The following CHRNA4 variants were observed in gnomAD, a reference collection of about 807,000 sequenced individuals.
CHRNA4 encodes cholinergic receptor nicotinic alpha 4 subunit.
Under a neutral mutation model 48.9 loss-of-function variants are expected in CHRNA4, and 28 were observed. The ratio of observed to expected loss-of-function variants is 0.57; its 90% CI spans 0.42 to 0.79. CHRNA4 has a LOEUF of 0.79. Among genes scored for constraint, CHRNA4 ranks in the 30% least tolerant of loss-of-function variants. CHRNA4 has a pLI of 0.00. For synonymous variants in CHRNA4, 425 were observed against 402.3 expected, an observed-to-expected ratio of 1.06 and a Z score of -0.68; for missense variants, 859 against 898.4, an observed-to-expected ratio of 0.96 and a Z score of 0.56.
rs1175678348 is a variant in CHRNA4, at chr20:63,343,515, C to T, written c.*3223G>A. On this transcript the variant is annotated 3_prime_UTR_variant, in exon 6 of 6. Transcript: ENST00000370263. ...CAGCAGTCCCACAGCAGCTGCGTGCCCTAGAGTGTCCTGGGCCCGGCCTTA... is the reference window on the plus strand; with the variant it reads ...CAGCAGTCCCACAGCAGCTGCGTGCTCTAGAGTGTCCTGGGCCCGGCCTTA... The T allele has an allele frequency of 2.2e-6, 1 of 454,170 alleles. No individual in the cohort carries two copies. Among genetic ancestry groups the T allele is most frequent in the Admixed American group, 2.3e-5 (1 of 42,582 alleles). 28.1% of individuals were successfully genotyped at this position (454,170 alleles called of 1,614,324 possible).
rs1341570684 is a variant in CHRNA4 at position 63,345,612 on chromosome 20, T to C, written c.*1126A>G. The C allele has an allele frequency of 1.8e-5, 8 of 453,286 alleles. No individual in the cohort carries two copies. The highest frequency in any genetic ancestry group is 4.7e-5 in the South Asian group (3 of 64,476). The allele number at this position is 453,286 out of a possible 1,614,324, so 28.1% of individuals were successfully genotyped here. Reference sequence around the variant, plus strand: ...CCTGCCAGGACGGAGGGCATGGGCCTGTGTGGAAACCCCAGGGCTCCCTGA... The same window carrying C: ...CCTGCCAGGACGGAGGGCATGGGCCCGTGTGGAAACCCCAGGGCTCCCTGA... On this transcript the variant is annotated 3_prime_UTR_variant, in exon 6 of 6. Transcript: ENST00000370263. This position sits in a 1 kb window ranked among gnomAD's most constrained non-coding sequence, Gnocchi z 5.4.
chr20:63,350,208 C>G lies in CHRNA4; in HGVS notation c.1203G>C (p.Leu401=), dbSNP rs56142348. Residue 401 remains leucine (L), a synonymous_variant, in exon 5 of 6, where the codon CTG becomes CTC. Transcript: ENST00000370263. ...CACAGAAGGACGGTGAGGGCGGGTGCAGGCTCTGGGTGCCGCTCGTGGCAG... is the reference window on the plus strand; with the variant it reads ...CACAGAAGGACGGTGAGGGCGGGTGGAGGCTCTGGGTGCCGCTCGTGGCAG... ...EPPATSGTQS[L]HPPSPSFCVP... 738 of 1,603,400 alleles carry G rather than the reference C, an allele frequency of 4.6e-4. 7 individuals carry two copies. Among genetic ancestry groups the G allele is most frequent in the Middle Eastern group, 4.9e-4 (3 of 6,068 alleles).
chr20:63,351,384 C>T (rs752901749), intron 4 of CHRNA4, among the ~76,000 whole-genome samples: 1 of 152,218 alleles, frequency 6.6e-6, no homozygotes, highest in Non-Finnish European at 1.5e-5. Context: ...GGGCGTAGCA[C>T]GTGGTTCAGA....
At chr20:63,357,377 C>T (rs2068737596) in intron 2 of CHRNA4, among the ~76,000 whole-genome samples, 1 of 152,220 alleles carries the variant, frequency 6.6e-6, no homozygotes, top group Non-Finnish European at 1.5e-5. Flanking sequence ...AGGCCTGGCC[C>T]TCCTGCCCAG....
At chr20:63,359,332 G>A in intron 2 of CHRNA4, 2 of 645,156 alleles carry the variant, frequency 3.1e-6, no homozygotes, top group East Asian at 2.8e-5. Context: ...CAAGGGGGAG[G>A]AAAGGGCAGG....
chr20:63,356,591 G>T, intron 2 of CHRNA4, 176 bp from the exon 3 acceptor site: 1 of 671,046 alleles, frequency 1.5e-6, no homozygotes, highest in Non-Finnish European at 2.7e-6. Flanking sequence ...CCAGGATGGG[G>T]ACTCTGAGGG....
Position 63,355,874 on chromosome 20 carries a change from G to A in CHRNA4, c.383+101C>T, listed in dbSNP as rs1022602660. ...GGCTGGCATAGGCCCCGCTGGGCCA[G>A]GCTGGGCCTTGGTGGAGCTCCCTGT... On this transcript the variant is annotated intron_variant, in intron 4 of 5. Transcript: ENST00000370263. 258 of 1,509,894 alleles carry A rather than the reference G, an allele frequency of 1.7e-4. 1 individual carries two copies. The highest frequency in any genetic ancestry group is 3.4e-4 in the Middle Eastern group (2 of 5,818). The allele number at this position is 1,509,894 out of a possible 1,614,324, so 93.5% of individuals were successfully genotyped here.
intron 2 of CHRNA4, among the ~76,000 whole-genome samples, chr20:63,357,063 C>T (rs1568817566): frequency 3.1e-5 from 4 of 129,758 alleles, no homozygotes; most frequent in Non-Finnish European, 6.6e-5. Flanking sequence ...AGGACCACAT[C>T]TCCACGGACC....
Position 63,345,225 on chromosome 20 carries a change from C to T in CHRNA4, c.*1513G>A, listed in dbSNP as rs2068472382. ...TCGGCTCGGGGACAGAGGAATGAGA[C>T]TCAGTGGGACGCAGAGCCCAACCCC... On this transcript the variant is annotated 3_prime_UTR_variant, in exon 6 of 6. Coordinates refer to ENST00000370263, the MANE Select transcript of CHRNA4 (RefSeq NM_000744.7). The surrounding 1 kb of genome is among the most constrained non-coding windows in gnomAD (Gnocchi z 5.4). 3 of 446,334 alleles carry T rather than the reference C, an allele frequency of 6.7e-6. No homozygotes were observed. The highest frequency in any genetic ancestry group is 1.4e-4 in the East Asian group (2 of 14,142). The allele number at this position is 446,334 out of a possible 1,614,324, so 27.6% of individuals were successfully genotyped here.
At position 63,343,851 on chromosome 20, in the gene CHRNA4, TA is replaced by T. The variant is rs1248856831; in HGVS notation, c.*2886del. On this transcript the variant is annotated 3_prime_UTR_variant, in exon 6 of 6. Transcript: ENST00000370263. ...ACGTTGGCTTAGTGTGAGACTTTGA[TA>T]GGGGGTCGGGGGTCACAGCCCTGGC... 2.2e-6 allele frequency: 1 copy of T among 454,110 alleles called. No individual in the cohort carries two copies. Among genetic ancestry groups the T allele is most frequent in the East Asian group, 7.0e-5 (1 of 14,386 alleles). 28.1% of individuals were successfully genotyped at this position (454,110 alleles called of 1,614,324 possible). A position where few individuals can be genotyped will look rare whatever the true frequency, so the allele number is the denominator to read the frequency against.
chr20:63,349,802 G>A lies in CHRNA4; in HGVS notation c.1609C>T (p.Pro537Ser), dbSNP rs758895760. 1.4e-5 allele frequency: 22 copies of A among 1,605,970 alleles called. No individual in the cohort carries two copies. In the Admixed American group the frequency reaches 3.3e-4, roughly 24 times the overall value. ...GTGGCGCTCGGGGACACCGAAGAGGGCTCCTTCTTGCATGTGCATTTGCAC... is the reference window on the plus strand; with the variant it reads ...GTGGCGCTCGGGGACACCGAAGAGGACTCCTTCTTGCATGTGCATTTGCAC... ...SPCKCTCKKE[P>S]SSVSPSATVK... The change falls in exon 5 of 6, where the codon CCC becomes TCC. Residue 537 changes from proline to serine, a missense_variant. This residue lies in a region of CHRNA4 where 478 missense variants were observed against 455.4 expected (regional missense o/e 1.05). Transcript: ENST00000370263.
chr20:63,349,528 C>T, intron 5 of CHRNA4, 125 bp downstream of exon 5: 1 of 1,262,210 alleles, frequency 7.9e-7, no homozygotes, highest in African/African-American at 1.5e-5. Context: ...GGGCCACGCC[C>T]TGCACCCCAA....
chr20:63,359,731 G>A, intron 1 of CHRNA4, 32 bp from the exon 2 acceptor site: 1 of 1,606,788 alleles, frequency 6.2e-7, no homozygotes. Flanking sequence ...TGGCTCAGGT[G>A]CAGGCGGGAC....
chr20:63,352,904 G>A (rs1351394632), intron 4 of CHRNA4, among the ~76,000 whole-genome samples: 1 of 142,136 alleles, frequency 7.0e-6, no homozygotes, highest in Admixed American at 6.9e-5. Context: ...CCTGGCTCCA[G>A]CCGCCCTCTG....
Position 63,344,955 on chromosome 20 carries a change from C to A in CHRNA4, c.*1783G>T. The A allele has an allele frequency of 2.4e-6, 1 of 411,856 alleles. No homozygotes were observed. Among genetic ancestry groups the A allele is most frequent in the Non-Finnish European group, 4.9e-6 (1 of 202,052 alleles). The allele number at this position is 411,856 out of a possible 1,614,324, so 25.5% of individuals were successfully genotyped here. The stretch of plus-strand genomic sequence containing the variant: ...GGATTTGGCACGGGGGTCTCTGTGT[C>A]CCACCCACTCCTGGCACAAAAGCCC... On this transcript the variant is annotated 3_prime_UTR_variant, in exon 6 of 6. Transcript: ENST00000370263. The surrounding 1 kb of genome is among the most constrained non-coding windows in gnomAD (Gnocchi z 4.5).
chr20:63,349,436 G>A, intron 5 of CHRNA4: 1 of 621,916 alleles, frequency 1.6e-6, no homozygotes, highest in South Asian at 1.9e-5. Flanking sequence ...TCCACCCTGT[G>A]CCAGCCACTC....
chr20:63,354,714 G>A (rs903812291), intron 4 of CHRNA4: 11 of 966,932 alleles, frequency 1.1e-5, no homozygotes, highest in African/African-American at 3.5e-5. Context: ...CACCCAGAGC[G>A]GCTTCTCTGC....
chr20:63,349,921 T>C lies in CHRNA4; in HGVS notation c.1490A>G (p.Asp497Gly), dbSNP rs2068558243. 4 of 1,592,252 alleles carry C rather than the reference T, an allele frequency of 2.5e-6. No homozygotes were observed. The highest frequency in any genetic ancestry group is 2.6e-6 in the Non-Finnish European group (3 of 1,168,536). ...RSIQYCVPRD[D>G]AAPEADGQAA... ...CTGGCCATCTGCCTCGGGGGCGGCA[T>C]CGTCTCGGGGAACACAGTACTGGAT... Residue 497 changes from aspartate to glycine, a missense_variant, in exon 5 of 6, where the codon GAT (aspartate) becomes GGT (glycine). By Grantham distance (94) the Asp-to-Gly change is moderately conservative (BLOSUM62 -1). Transcript: ENST00000370263.
At position 63,345,757 on chromosome 20, in the gene CHRNA4, C is replaced by T. The variant is rs55715203; in HGVS notation, c.*981G>A. On this transcript the variant is annotated 3_prime_UTR_variant, in exon 6 of 6. Transcript: ENST00000370263. The surrounding 1 kb of genome is among the most constrained non-coding windows in gnomAD (Gnocchi z 5.4). Reference sequence around the variant, plus strand: ...TACTGTAGCAGGAAGTCCTTCTTCCCGAACCCAGAGCCCAGGGCGGATCTC... The same window carrying T: ...TACTGTAGCAGGAAGTCCTTCTTCCTGAACCCAGAGCCCAGGGCGGATCTC... 1,022 of 446,326 alleles carry T rather than the reference C, an allele frequency of 2.3e-3. 5 individuals are homozygous for T. Among genetic ancestry groups the T allele is most frequent in the Non-Finnish European group, 3.2e-3 (716 of 220,514 alleles). 27.6% of individuals were successfully genotyped at this position (446,326 alleles called of 1,614,324 possible). A position where few individuals can be genotyped will look rare whatever the true frequency, so the allele number is the denominator to read the frequency against.
Sources: gnomAD v4.1 joint callset for allele counts (sites outside exome capture counted in the v4.1 genomes callset) on GRCh38, gnomAD v4.1.1 for gene constraint, gnomAD v4.1.1 regional missense constraint, Gnocchi (gnomAD v3.1) non-coding constraint, MANE v1.5 for transcripts, NCBI Gene and HGNC (gene_info 2026-07-23, HGNC 2026-07-21) for gene names.